The following SMG6 variants were observed in gnomAD, a reference collection of about 807,000 sequenced individuals.
SMG6 encodes the protein SMG6 nonsense mediated mRNA decay factor, also known as telomerase-binding protein EST1A.
A neutral mutation model predicts 142.2 loss-of-function variants in SMG6; 66 were observed. The observed-to-expected ratio is 0.46, with a 90% CI of 0.38 to 0.57. The LOEUF is 0.57. Among genes scored for constraint, SMG6 ranks in the 20% least tolerant of loss-of-function variants. The probability of loss-of-function intolerance (pLI) is 0.00; values close to 1 mark genes in which losing one functional copy is unlikely to be tolerated. For synonymous variants in SMG6, 779 were observed against 702.4 expected, an observed-to-expected ratio of 1.11 and a Z score of -1.72; for missense variants, 1,793 against 1,832.0, an observed-to-expected ratio of 0.98 and a Z score of 0.39.
intron 13 of SMG6, among the ~76,000 whole-genome samples, chr17:2,150,023 C>G (rs1033183031): frequency 2.9e-4 from 44 of 152,230 alleles, no homozygotes; most frequent in Non-Finnish European, 3.1e-4. Flanking sequence ...CAGTCTAGAG[C>G]AGGGGTCCCA....
chr17:2,296,776 C>T (rs960379825), intron 4 of SMG6, among the ~76,000 whole-genome samples: 4 of 151,992 alleles, frequency 2.6e-5, no homozygotes, highest in African/African-American at 9.7e-5. Context: ...GGTGGCTCAC[C>T]GAAGGTCAGA....
At chr17:2,202,157 G>A (rs2072547945) in intron 10 of SMG6, among the ~76,000 whole-genome samples, 1 of 152,192 alleles carries the variant, frequency 6.6e-6, no homozygotes, top group Non-Finnish European at 1.5e-5. Context: ...AAAAACTGGA[G>A]GAGAAAACAC....
chr17:2,079,497 G>A (rs907523750), intron 15 of SMG6, among the ~76,000 whole-genome samples: 3 of 151,872 alleles, frequency 2.0e-5, no homozygotes, highest in African/African-American at 4.8e-5. Flanking sequence ...TTAGCTGGGC[G>A]TGGTGGTGCA....
intron 8 of SMG6, among the ~76,000 whole-genome samples, chr17:2,273,674 A>G (rs1325407719): frequency 6.6e-6 from 1 of 152,094 alleles, no homozygotes; most frequent in Non-Finnish European, 1.5e-5. Context: ...GCGCACACCT[A>G]TAATCCCAGC....
At chr17:2,099,790 C>T (rs1367416827) in intron 13 of SMG6, among the ~76,000 whole-genome samples, 1 of 152,226 alleles carries the variant, frequency 6.6e-6, no homozygotes, top group East Asian at 1.9e-4. Context: ...CACATCTGAA[C>T]ATGAAAAGGC....
intron 13 of SMG6, among the ~76,000 whole-genome samples, chr17:2,093,806 A>C (rs962189694): frequency 3.9e-5 from 6 of 152,190 alleles, no homozygotes; most frequent in Non-Finnish European, 7.3e-5. Flanking sequence ...TGTTTTGTAA[A>C]GATGAGGTCT....
At chr17:2,118,429 C>T (rs2069575796) in intron 13 of SMG6, among the ~76,000 whole-genome samples, 2 of 152,106 alleles carry the variant, frequency 1.3e-5, no homozygotes, top group Non-Finnish European at 1.5e-5. Context: ...GTCCCAGTTA[C>T]TCAGGAGGCT....
chr17:2,242,626 T>C (rs570884628), intron 9 of SMG6, among the ~76,000 whole-genome samples: 1 of 134,696 alleles, frequency 7.4e-6, no homozygotes, highest in South Asian at 2.2e-4. Flanking sequence ...TAGTGCGGTA[T>C]GATCACACCT....
intron 8 of SMG6, among the ~76,000 whole-genome samples, chr17:2,280,324 A>G (rs2074756629): frequency 6.6e-6 from 1 of 151,798 alleles, no homozygotes; most frequent in African/African-American, 2.4e-5. Context: ...GTGCAGTGGC[A>G]CGATCTCGGC....
intron 13 of SMG6, chr17:2,087,124 T>G (rs1206712598): frequency 1.5e-6 from 2 of 1,290,524 alleles, no homozygotes; most frequent in Admixed American, 4.6e-5. Flanking sequence ...CTCTCTCTCA[T>G]GTGGACAGCA....
intron 4 of SMG6, among the ~76,000 whole-genome samples, chr17:2,296,365 T>C (rs1164924705): frequency 1.3e-5 from 2 of 152,160 alleles, no homozygotes; most frequent in African/African-American, 4.8e-5. Context: ...AAAACTCAGC[T>C]TGACAATCTC....
At chr17:2,242,735 G>A (rs959565469) in intron 9 of SMG6, among the ~76,000 whole-genome samples, 4 of 146,648 alleles carry the variant, frequency 2.7e-5, no homozygotes, top group Non-Finnish European at 6.0e-5. Context: ...AAAGAAGCAG[G>A]AGTACCATCA....
chr17:2,188,021 A>G (rs921324609), intron 11 of SMG6, among the ~76,000 whole-genome samples: 1 of 152,176 alleles, frequency 6.6e-6, no homozygotes, highest in African/African-American at 2.4e-5. Flanking sequence ...CAGCGGTTAC[A>G]GAACTCACCA....
At chr17:2,278,986 A>G (rs932846485) in intron 8 of SMG6, among the ~76,000 whole-genome samples, 1 of 152,178 alleles carries the variant, frequency 6.6e-6, no homozygotes, top group African/African-American at 2.4e-5. Context: ...CACTGGGGAC[A>G]AAGAAGTGAA....
intron 10 of SMG6, among the ~76,000 whole-genome samples, chr17:2,230,245 G>A (rs1321963487): frequency 1.1e-5 from 1 of 87,576 alleles, no homozygotes; most frequent in Non-Finnish European, 2.1e-5. Context: ...AAAGAAAAGT[G>A]TCCTGCTGCC....
intron 12 of SMG6, among the ~76,000 whole-genome samples, chr17:2,177,790 T>G (rs2071692638): frequency 6.6e-6 from 1 of 152,234 alleles, no homozygotes; most frequent in Non-Finnish European, 1.5e-5. Context: ...GCACAGAAGC[T>G]AGGCACAAAG....
intron 12 of SMG6, among the ~76,000 whole-genome samples, chr17:2,178,069 A>G (rs2071699708): frequency 6.6e-6 from 1 of 152,222 alleles, no homozygotes; most frequent in African/African-American, 2.4e-5. Flanking sequence ...TGGCAGAGTT[A>G]AAAGAATAAT....
intron 6 of SMG6, among the ~76,000 whole-genome samples, chr17:2,291,297 C>G (rs187160573): frequency 2.0e-3 from 305 of 151,432 alleles, no homozygotes; most frequent in Middle Eastern, 3.4e-3. Context: ...CGCCACTGCA[C>G]TCCAGCCTGA....
At position 2,068,832 on chromosome 17, in the gene SMG6, T is replaced by C. The variant is rs1301923360; in HGVS notation, c.3781A>G (p.Ser1261Gly). Reference protein sequence around the residue: ...DTNGFIDHLASLARLLESRKY... With the variant: ...DTNGFIDHLAGLARLLESRKY... ...CTGCTCTCCAGCAGCCGCGCCAGAC[T>C]GGCCAGGTGGTCAATGAAGCCGTTG... The change falls in exon 16 of 19, where the codon AGT becomes GGT. Residue 1261 changes from serine to glycine, a missense_variant. By Grantham distance (56) the Ser-to-Gly change is moderately conservative (BLOSUM62 0). Around this residue, in one of 3 missense-constraint regions of SMG6, gnomAD observed 17 missense variants for 34.7 expected, o/e 0.49. Transcript: ENST00000263073. This position sits in a 1 kb window ranked among gnomAD's most constrained non-coding sequence, Gnocchi z 6.7. 1 of 1,614,098 alleles carries C rather than the reference T, an allele frequency of 6.2e-7. No homozygotes were observed. The highest frequency in any genetic ancestry group is 2.2e-5 in the East Asian group (1 of 44,904).
Sources: gnomAD v4.1 joint callset for allele counts (sites outside exome capture counted in the v4.1 genomes callset) on GRCh38, gnomAD v4.1.1 for gene constraint, gnomAD v4.1.1 regional missense constraint, Gnocchi (gnomAD v3.1) non-coding constraint, MANE v1.5 for transcripts, NCBI Gene and HGNC (gene_info 2026-07-23, HGNC 2026-07-21) for gene names.